Variants in LRP1B observed in about 807,000 individuals in gnomAD.
LRP1B encodes the protein low-density lipoprotein receptor-related protein 1B.
In LRP1B, 217 loss-of-function variants were observed where a neutral mutation model predicts 556.6. That is an observed-to-expected ratio of 0.39 (90% CI 0.35 to 0.44). The LOEUF (loss-of-function observed/expected upper bound fraction) is 0.44. LRP1B is among the 20% of genes least tolerant of loss of function. LRP1B has a pLI of 1.00. For missense variants in LRP1B, 5,053 were observed against 5,620.8 expected (o/e 0.90, Z 3.23); for synonymous variants, 2,047 against 1,865.8 (o/e 1.10, Z -2.50).
chr2:141,352,201 G>GTATTAATTA (rs1306053877), intron 3 of LRP1B, among the ~76,000 whole-genome samples: 2 of 151,776 alleles, frequency 1.3e-5, no homozygotes, highest in Non-Finnish European at 2.9e-5. Context: ...ATCCACTTTT[G>GTATTAATTA]TATTAATTAG....
chr2:141,915,358 C>A (rs968367669), intron 1 of LRP1B, among the ~76,000 whole-genome samples: 1 of 152,086 alleles, frequency 6.6e-6, no homozygotes, highest in Non-Finnish European at 1.5e-5. Context: ...ACACACCATA[C>A]AAATACACCA....
At chr2:140,863,748 C>T (rs1308118130) in intron 27 of LRP1B, among the ~76,000 whole-genome samples, 2 of 152,046 alleles carry the variant, frequency 1.3e-5, no homozygotes, top group East Asian at 3.9e-4. Flanking sequence ...TTTTTAGTAC[C>T]ACACCCTGCT....
chr2:140,241,693 G>A (rs986653757), intron 87 of LRP1B, among the ~76,000 whole-genome samples: 2 of 150,456 alleles, frequency 1.3e-5, no homozygotes, highest in Non-Finnish European at 3.0e-5. Context: ...AATAATGCAG[G>A]GTAGAAGATT....
intron 1 of LRP1B, among the ~76,000 whole-genome samples, chr2:141,949,136 A>G (rs950767825): frequency 6.6e-6 from 1 of 152,128 alleles, no homozygotes; most frequent in South Asian, 2.1e-4. Flanking sequence ...TTATTAAAAA[A>G]CTTTCCTACA....
chr2:141,401,359 C>G (rs963781768), intron 3 of LRP1B, among the ~76,000 whole-genome samples: 1 of 152,128 alleles, frequency 6.6e-6, no homozygotes, highest in Non-Finnish European at 1.5e-5. Flanking sequence ...TAGAACAAAT[C>G]TTCTAAATAG....
chr2:141,137,503 C>T (rs1032373348), intron 7 of LRP1B, among the ~76,000 whole-genome samples: 2 of 151,922 alleles, frequency 1.3e-5, no homozygotes, highest in Non-Finnish European at 2.9e-5. Flanking sequence ...AAAGAAAAGG[C>T]TACAAAATGA....
At chr2:140,976,622 C>T (rs1020460146) in intron 18 of LRP1B, among the ~76,000 whole-genome samples, 3 of 151,066 alleles carry the variant, frequency 2.0e-5, no homozygotes, top group African/African-American at 7.3e-5. Flanking sequence ...ATTCTCCTGC[C>T]TCAGCCTCCT....
intron 3 of LRP1B, among the ~76,000 whole-genome samples, chr2:141,257,799 T>C (rs999251186): frequency 9.9e-5 from 15 of 152,218 alleles, no homozygotes; most frequent in African/African-American, 3.1e-4. Context: ...ACTAACAATA[T>C]GAATACTAAA....
intron 66 of LRP1B, among the ~76,000 whole-genome samples, chr2:140,404,730 TA>T (rs770333189): frequency 6.6e-6 from 1 of 151,780 alleles, no homozygotes; most frequent in Non-Finnish European, 1.5e-5. Context: ...AGATAAGGGG[TA>T]AAAAACAATA....
rs1444689092 is a variant in LRP1B, at chr2:140,919,724, G to T, written c.3319+3241C>A. On this transcript the variant is annotated intron_variant, in intron 21 of 90. Transcript: ENST00000389484. ...GAGATACATATTTTTTGTTCATCAGGCAGTATCTCCTTTATTTTATCCTGT... is the reference window on the plus strand; with the variant it reads ...GAGATACATATTTTTTGTTCATCAGTCAGTATCTCCTTTATTTTATCCTGT... Among the ~76,000 whole-genome samples the T allele has an allele frequency of 2.0e-5, 3 of 152,070 alleles. No individual in the cohort carries two copies. The South Asian group carries it at 6.2e-4, about 32-fold the overall frequency.
intron 66 of LRP1B, among the ~76,000 whole-genome samples, chr2:140,420,612 T>A (rs1228562452): frequency 6.6e-6 from 1 of 152,150 alleles, no homozygotes; most frequent in East Asian, 1.9e-4. Context: ...ACTCAAATGA[T>A]CATAAATTGG....
At chr2:140,421,749 A>G (rs1558870914) in intron 66 of LRP1B, among the ~76,000 whole-genome samples, 3 of 152,184 alleles carry the variant, frequency 2.0e-5, no homozygotes, top group Admixed American at 2.0e-4. Flanking sequence ...TAAGGCCAAA[A>G]CTATTACACC....
At position 140,236,025 on chromosome 2, in the gene LRP1B, C is replaced by A. The variant is rs369825776; in HGVS notation, c.13561-1141G>T. ...TGTGATATTTTAAAGCAGAAAATAT[C>A]AAATGTAAGGTTACCAAGACTTTTT... On this transcript the variant is annotated intron_variant, in intron 89 of 90. Transcript: ENST00000389484. 7.9e-5 allele frequency among the ~76,000 whole-genome samples: 12 copies of A among 150,954 alleles called. No individual in the cohort carries two copies. In the East Asian group the frequency reaches 2.0e-3, roughly 25 times the overall value.
intron 1 of LRP1B, among the ~76,000 whole-genome samples, chr2:142,073,063 A>G (rs1705379058): frequency 6.6e-6 from 1 of 152,052 alleles, no homozygotes; most frequent in South Asian, 2.1e-4. Context: ...ATTCATCTGT[A>G]AATGAGAGAC....
At chr2:140,289,648 T>A (rs1683295848) in intron 84 of LRP1B, among the ~76,000 whole-genome samples, 1 of 151,826 alleles carries the variant, frequency 6.6e-6, no homozygotes, top group South Asian at 2.1e-4. Flanking sequence ...AAAATCTGTT[T>A]GAAAAGTCTA....
intron 2 of LRP1B, among the ~76,000 whole-genome samples, chr2:141,693,815 T>C (rs1024068569): frequency 6.6e-6 from 1 of 152,060 alleles, no homozygotes; most frequent in African/African-American, 2.4e-5. Flanking sequence ...TCCCACATTC[T>C]CTTGAATTTG....
intron 7 of LRP1B, among the ~76,000 whole-genome samples, chr2:141,167,939 A>G (rs974647017): frequency 1.5e-4 from 23 of 152,022 alleles, no homozygotes; most frequent in Admixed American, 7.9e-4. Flanking sequence ...GTACATGCCT[A>G]TAACTTTGAT....
At chr2:141,364,807 G>A (rs546133012) in intron 3 of LRP1B, among the ~76,000 whole-genome samples, 16 of 152,208 alleles carry the variant, frequency 1.1e-4, no homozygotes, top group East Asian at 1.9e-4. Flanking sequence ...TTAAGTAAAC[G>A]TATTATATGT....
rs544243066 is a variant in LRP1B, at chr2:141,628,254, C to A, written c.206-147721G>T. ...GAAAATCAAATTGTGAGTACAATTTCCTTTTGTGCTTGATTTGATGGATTA... is the reference window on the plus strand; with the variant it reads ...GAAAATCAAATTGTGAGTACAATTTACTTTTGTGCTTGATTTGATGGATTA... On this transcript the variant is annotated intron_variant, in intron 2 of 90. Coordinates refer to ENST00000389484, the MANE Select transcript of LRP1B (RefSeq NM_018557.3). Among the ~76,000 whole-genome samples, 3 of 152,154 alleles carry A rather than the reference C, an allele frequency of 2.0e-5. No homozygotes were observed. In the South Asian group the frequency reaches 6.2e-4, roughly 32 times the overall value.
Sources: allele counts gnomAD v4.1 joint callset (sites outside exome capture counted in the v4.1 genomes callset), GRCh38; gene constraint gnomAD v4.1.1; transcripts MANE v1.5; gene names NCBI Gene and HGNC (gene_info 2026-07-23, HGNC 2026-07-21).